The following RASD1 variants were observed in gnomAD, a reference collection of about 807,000 sequenced individuals.
RASD1 encodes the protein dexamethasone-induced Ras-related protein 1.
In RASD1, 13 loss-of-function variants were observed where a neutral mutation model predicts 16.7. That is an observed-to-expected ratio of 0.78 (90% CI 0.51 to 1.24). RASD1 has a LOEUF of 1.24. Ranked by LOEUF, RASD1 falls within the 50% of genes most tolerant of loss-of-function variation. The pLI is 0.00. For synonymous variants in RASD1, 170 were observed against 172.6 expected (o/e 0.98, Z 0.12); for missense variants, 397 against 407.5 (o/e 0.97, Z 0.22).
At position 17,496,004 on chromosome 17, in the gene RASD1, AGTCCTCGATGGTAGGCGTGTAGGC is replaced by A; in HGVS notation, c.154_177del (p.Ala52_Asp59del). 6.2e-7 allele frequency: 1 copy of A among 1,614,010 alleles called. No individual in the cohort carries two copies. The highest frequency in any genetic ancestry group is 8.5e-7 in the Non-Finnish European group (1 of 1,180,020). ...CGGATGGAGTAGAACTTGCGGTGGAAGTCCTCGATGGTAGGCGTGTAGGCGTCCTCGAAGCGGCCGGTGAGGAAG... is the reference window on the plus strand; with the variant it reads ...CGGATGGAGTAGAACTTGCGGTGGAAGTCCTCGAAGCGGCCGGTGAGGAAG... On this transcript the variant is annotated inframe_deletion, in exon 1 of 2. Transcript: ENST00000225688.
In RASD1 at chr17:17,494,888, G is replaced by A. The variant is rs567764696; in HGVS notation, c.*237C>T. 1.4e-5 allele frequency: 8 copies of A among 588,120 alleles called. No individual in the cohort carries two copies. The South Asian group carries it at 1.5e-4, about 11-fold the overall frequency. 36.4% of individuals were successfully genotyped at this position (588,120 alleles called of 1,614,324 possible). ...TCGCTCCCAAAGTTATGGGGGTGGC[G>A]GGCCTCAATGGGGGACCGGGGGTGG... On this transcript the variant is annotated 3_prime_UTR_variant, in exon 2 of 2. Transcript: ENST00000225688.
rs1567645839 is a variant in RASD1, at chr17:17,495,605, G to A, written c.366C>T (p.Leu122=). ...TGTTCTTGAGGCAAGACTTGGTGTC[G>A]AGGATCTGCTGCCTGAGCCGCTGCA... is the stretch of plus-strand genomic sequence containing the variant. ...EEVQRLRQQI[L]DTKSCLKNKT... Residue 122 remains leucine, a synonymous_variant, in exon 2 of 2, where the codon CTC becomes CTT. Coordinates refer to ENST00000225688, the MANE Select transcript of RASD1 (RefSeq NM_016084.5). 6.2e-7 allele frequency: 1 copy of A among 1,613,072 alleles called. No individual in the cohort carries two copies. Among genetic ancestry groups the A allele is most frequent in the Non-Finnish European group, 8.5e-7 (1 of 1,179,932 alleles).
Position 17,496,257 on chromosome 17 carries a change from C to T in RASD1, c.-76G>A. ...GCGGCTGAGGGTCGCTGGGGTGGCA[C>T]GCGGGGTGAGCGGCTGGAGGGCTCT... On this transcript the variant is annotated 5_prime_UTR_variant, in exon 1 of 2. The change creates a new upstream start codon in the 5' untranslated region. Coordinates refer to ENST00000225688, the MANE Select transcript of RASD1 (RefSeq NM_016084.5). 3 of 1,452,426 alleles carry T rather than the reference C, an allele frequency of 2.1e-6. No homozygotes were observed. Among genetic ancestry groups the T allele is most frequent in the South Asian group, 1.4e-5 (1 of 73,592 alleles). The allele number at this position is 1,452,426 out of a possible 1,614,324, so 90.0% of individuals were successfully genotyped here. A position where few individuals can be genotyped will look rare whatever the true frequency, so the allele number is the denominator to read the frequency against.
Position 17,495,687 on chromosome 17 carries a change from A to C in RASD1, c.287-3T>G. On this transcript the variant is annotated splice_region_variant and splice_polypyrimidine_tract_variant and intron_variant, in intron 1 of 1. Transcript: ENST00000225688. The stretch of plus-strand genomic sequence containing the variant: ...GAACACCAGGATGAAAACGTCTCCT[A>C]GAGGGGGCACAGAGAGCAGAAAAGG... 1.2e-6 allele frequency: 2 copies of C among 1,602,974 alleles called. No homozygotes were observed. The highest frequency in any genetic ancestry group is 1.7e-6 in the Non-Finnish European group (2 of 1,173,824).
In RASD1 at chr17:17,495,518, G is replaced by A. The variant is rs1448114482; in HGVS notation, c.453C>T (p.Phe151=). Residue 151 remains phenylalanine, a synonymous_variant, in exon 2 of 2, where the codon TTC becomes TTT. Coordinates refer to ENST00000225688, the MANE Select transcript of RASD1 (RefSeq NM_016084.5). ...TCTCGCGCTGGTCCACCTCGCGGTA[G>A]AAGTCGCGGTCACCCTTGTTGCCGC... ...VICGNKGDRD[F]YREVDQREIE... is the part of the protein sequence containing the mutation. 6.2e-7 allele frequency: 1 copy of A among 1,612,304 alleles called. No homozygotes were observed. Among genetic ancestry groups the A allele is most frequent in the Admixed American group, 1.7e-5 (1 of 59,916 alleles).
Position 17,495,120 on chromosome 17 carries a change from G to A in RASD1, c.*5C>T, listed in dbSNP as rs1217557216. 1 of 1,610,204 alleles carries A rather than the reference G, an allele frequency of 6.2e-7. No homozygotes were observed. The highest frequency in any genetic ancestry group is 8.5e-7 in the Non-Finnish European group (1 of 1,179,456). On this transcript the variant is annotated 3_prime_UTR_variant, in exon 2 of 2. Transcript: ENST00000225688. ...TTAGGTTGTGTCGCCAGCGCGGCGG[G>A]GCTCCTAGCTGATGACGCAGCGCTC...
Position 17,495,269 on chromosome 17 carries a change from G to T in RASD1, c.702C>A (p.Gly234=). 6.4e-7 allele frequency: 1 copy of T among 1,560,368 alleles called. No homozygotes were observed. The highest frequency in any genetic ancestry group is 8.7e-7 in the Non-Finnish European group (1 of 1,153,682). The change falls in exon 2 of 2, where the codon GGC becomes GGA. Residue 234 remains glycine, a synonymous_variant. Transcript: ENST00000225688. ...NKKLLRAGSG[G]GGGDPGDAFG... is the part of the protein sequence containing the mutation. ...AGGCGTCGCCCGGGTCGCCGCCGCC[G>T]CCGCCGCTGCCGGCCCGCAGCAGCT...
chr17:17,496,391 G>A lies in RASD1; in HGVS notation c.-210C>T, dbSNP rs2142485225. ...CCCAGGATCTGGGCACAGGCCGCTT[G>A]CTCTGGCTTTGGCGCCCGGCCGCCG... On this transcript the variant is annotated 5_prime_UTR_variant, in exon 1 of 2. Transcript: ENST00000225688. 1 of 512,330 alleles carries A rather than the reference G, an allele frequency of 2.0e-6. No homozygotes were observed. The highest frequency in any genetic ancestry group is 3.3e-6 in the Non-Finnish European group (1 of 306,462). The allele number at this position is 512,330 out of a possible 1,614,324, so 31.7% of individuals were successfully genotyped here.
chr17:17,494,907 G>A lies in RASD1; in HGVS notation c.*218C>T. On this transcript the variant is annotated 3_prime_UTR_variant, in exon 2 of 2. Transcript: ENST00000225688. ...GGTGGCGGGCCTCAATGGGGGACCG[G>A]GGGTGGGGAATAGTCCCAGTCTTGG... is the stretch of plus-strand genomic sequence containing the variant. 1.6e-6 allele frequency: 1 copy of A among 632,286 alleles called. No homozygotes were observed. Among genetic ancestry groups the A allele is most frequent in the African/African-American group, 1.9e-5 (1 of 51,402 alleles). The allele number at this position is 632,286 out of a possible 1,614,324, so 39.2% of individuals were successfully genotyped here.
rs1905365101 is a variant in RASD1 at position 17,495,059 on chromosome 17, CG to C, written c.*65del. ...CGCGCGCTCCCGGCCTGGGGCGCACCGGGCCGTTGGATTTGACTTAACAAAA... is the reference window on the plus strand; with the variant it reads ...CGCGCGCTCCCGGCCTGGGGCGCACCGGCCGTTGGATTTGACTTAACAAAA... On this transcript the variant is annotated 3_prime_UTR_variant, in exon 2 of 2. Transcript: ENST00000225688. 6.4e-7 allele frequency: 1 copy of C among 1,570,738 alleles called. No individual in the cohort carries two copies. The highest frequency in any genetic ancestry group is 1.4e-5 in the African/African-American group (1 of 72,654).
rs1905376299 is a variant in RASD1 at position 17,495,198 on chromosome 17, T to C, written c.773A>G (p.Asp258Gly). The C allele has an allele frequency of 6.2e-7, 1 of 1,611,538 alleles. No individual in the cohort carries two copies. Among genetic ancestry groups the C allele is most frequent in the Non-Finnish European group, 8.5e-7 (1 of 1,179,628 alleles). ...PFARRPSVHS[D>G]LMYIREKASA... ...GGCCTTCTCGCGGATGTACATGAGG[T>C]CGCTGTGTACGCTGGGCCGGCGCGC... Residue 258 changes from aspartate (D) to glycine (G), a missense_variant, in exon 2 of 2, where the codon GAC (aspartate) becomes GGC (glycine). Physicochemically the swap from Asp to Gly is moderately conservative, Grantham distance 94 (BLOSUM62 -1). Transcript: ENST00000225688.
Position 17,495,284 on chromosome 17 carries a change from C to G in RASD1, c.687G>C (p.Arg229=). The G allele has an allele frequency of 6.4e-7, 1 of 1,560,800 alleles. No homozygotes were observed. The highest frequency in any genetic ancestry group is 8.7e-7 in the Non-Finnish European group (1 of 1,152,992). ...CGCCGCCGCCGCCGCCGCTGCCGGC[C>G]CGCAGCAGCTTCTTGTTCCGCAGCG... ...KKALRNKKLL[R]AGSGGGGGDP... The change falls in exon 2 of 2, where the codon CGG becomes CGC. Residue 229 remains arginine (R), a synonymous_variant. Transcript: ENST00000225688.
rs1244094196 is a variant in RASD1 at position 17,495,304 on chromosome 17, G to A, written c.667C>T (p.Arg223Trp). ...YCDVLHKKALRNKKLLRAGSG... is the reference protein window; with the variant it reads ...YCDVLHKKALWNKKLLRAGSG... Reference sequence around the variant, plus strand: ...CCGGCCCGCAGCAGCTTCTTGTTCCGCAGCGCCTTCTTGTGCAGCACGTCG... The same window carrying A: ...CCGGCCCGCAGCAGCTTCTTGTTCCACAGCGCCTTCTTGTGCAGCACGTCG... Residue 223 changes from arginine (R) to tryptophan (W), a missense_variant, in exon 2 of 2, where the codon CGG (arginine) becomes TGG (tryptophan). Physicochemically the swap from Arg to Trp is moderately radical, Grantham distance 101. Coordinates refer to ENST00000225688, the MANE Select transcript of RASD1 (RefSeq NM_016084.5). 6.4e-7 allele frequency: 1 copy of A among 1,554,574 alleles called. No individual in the cohort carries two copies. The highest frequency in any genetic ancestry group is 8.7e-7 in the Non-Finnish European group (1 of 1,149,676).
In RASD1 at chr17:17,494,833, G is replaced by T; in HGVS notation, c.*292C>A. 1 of 521,502 alleles carries T rather than the reference G, an allele frequency of 1.9e-6. No homozygotes were observed. The highest frequency in any genetic ancestry group is 3.4e-6 in the Non-Finnish European group (1 of 296,288). 32.3% of individuals were successfully genotyped at this position (521,502 alleles called of 1,614,324 possible). A position where few individuals can be genotyped will look rare whatever the true frequency, so the allele number is the denominator to read the frequency against. On this transcript the variant is annotated 3_prime_UTR_variant, in exon 2 of 2. Coordinates refer to ENST00000225688, the MANE Select transcript of RASD1 (RefSeq NM_016084.5). ...ACCCCGCGCTCACTCTTAGGTCTTT[G>T]AGAAGATAAATCCACCCTCGGCTGG...
rs1350840180 is a variant in RASD1, at chr17:17,495,812, C to T, written c.286+84G>A. On this transcript the variant is annotated intron_variant, in intron 1 of 1. Coordinates refer to ENST00000225688, the MANE Select transcript of RASD1 (RefSeq NM_016084.5). ...AGCGCGAAGCGCACTACTCGGCGCG[C>T]GGCAGCCGGACCGGCGCTCGCGGGG... 41 of 1,478,770 alleles carry T rather than the reference C, an allele frequency of 2.8e-5. No homozygotes were observed. The South Asian group carries it at 5.3e-4, about 19-fold the overall frequency. 91.6% of individuals were successfully genotyped at this position (1,478,770 alleles called of 1,614,324 possible).
chr17:17,494,942 T>C lies in RASD1; in HGVS notation c.*183A>G, dbSNP rs920464623. 23 of 778,368 alleles carry C rather than the reference T, an allele frequency of 3.0e-5. No homozygotes were observed. In the African/African-American group the frequency reaches 4.0e-4, roughly 14 times the overall value. 48.2% of individuals were successfully genotyped at this position (778,368 alleles called of 1,614,324 possible). A position where few individuals can be genotyped will look rare whatever the true frequency, so the allele number is the denominator to read the frequency against. On this transcript the variant is annotated 3_prime_UTR_variant, in exon 2 of 2. Transcript: ENST00000225688. ...ATAGTCCCAGTCTTGGCCCGTTCTC[T>C]TTCCTTCCGGAGCAGATGACCGTCC...
chr17:17,494,717 C>A lies in RASD1; in HGVS notation c.*408G>T. On this transcript the variant is annotated 3_prime_UTR_variant, in exon 2 of 2. Transcript: ENST00000225688. ...TGTCACAGCAACCCGGAATCACAGA[C>A]AAGATAATGCCCCGTGGGTCCTGAC... 1 of 207,872 alleles carries A rather than the reference C, an allele frequency of 4.8e-6. No individual in the cohort carries two copies. Among genetic ancestry groups the A allele is most frequent in the Admixed American group, 5.6e-5 (1 of 17,944 alleles). 12.9% of individuals were successfully genotyped at this position (207,872 alleles called of 1,614,324 possible). A position where few individuals can be genotyped will look rare whatever the true frequency, so the allele number is the denominator to read the frequency against.
chr17:17,495,751 G>A, intron 1 of RASD1, 67 bp from the exon 2 acceptor site: 3 of 1,492,676 alleles, frequency 2.0e-6, no homozygotes, highest in African/African-American at 1.4e-5. Flanking sequence ...AAGTCGGGCT[G>A]ACTTTGAGGC....
In RASD1 at chr17:17,494,847, ACCCTCGGCTGGG is replaced by A. The variant is rs1460881164; in HGVS notation, c.*266_*277del. The A allele has an allele frequency of 4.4e-5, 24 of 544,414 alleles. No individual in the cohort carries two copies. Among genetic ancestry groups the A allele is most frequent in the Admixed American group, 3.2e-4 (9 of 28,016 alleles). 33.7% of individuals were successfully genotyped at this position (544,414 alleles called of 1,614,324 possible). On this transcript the variant is annotated 3_prime_UTR_variant, in exon 2 of 2. Transcript: ENST00000225688. The stretch of plus-strand genomic sequence containing the variant: ...CTTAGGTCTTTGAGAAGATAAATCC[ACCCTCGGCTGGG>A]CCCTCGCTCCCAAAGTTATGGGGGT...
Sources: gnomAD v4.1 joint callset for allele counts on GRCh38, gnomAD v4.1.1 for gene constraint, MANE v1.5 for transcripts, NCBI Gene and HGNC (gene_info 2026-07-23, HGNC 2026-07-21) for gene names.